The following NIPAL3 variants were observed in gnomAD, a reference collection of about 807,000 sequenced individuals.
NIPAL3 encodes NIPA-like protein 3.
Under a neutral mutation model 47.2 loss-of-function variants are expected in NIPAL3, and 41 were observed. The ratio of observed to expected loss-of-function variants is 0.87; its 90% confidence interval spans 0.68 to 1.13. The LOEUF (loss-of-function observed/expected upper bound fraction) is 1.13, where lower values mean the gene tolerates loss of function less well. Ranked by LOEUF, NIPAL3 falls within the 50% of genes most tolerant of loss-of-function variation. The pLI is 0.00. For synonymous variants in NIPAL3, 194 were observed against 209.6 expected (o/e 0.93, Z 0.64); for missense variants, 449 against 530.1 (o/e 0.85, Z 1.50).
At position 24,415,855 on chromosome 1, in the gene NIPAL3, G is replaced by A; in HGVS notation, c.-307G>A. The A allele has an allele frequency of 1.0e-6, 1 of 985,544 alleles. No homozygotes were observed. The highest frequency in any genetic ancestry group is 1.2e-6 in the Non-Finnish European group (1 of 830,000). 61.0% of individuals were successfully genotyped at this position (985,544 alleles called of 1,614,324 possible). A position where few individuals can be genotyped will look rare whatever the true frequency, so the allele number is the denominator to read the frequency against. On this transcript the variant is annotated 5_prime_UTR_variant, in exon 1 of 12. Transcript: ENST00000374399. ...CCTCCGGGTTGCACGAAGAGTCCGA[G>A]TCATTTCTCAGAAGGTTTTGATAGG...
At chr1:24,439,655 C>T (rs897300014) in intron 2 of NIPAL3, among the ~76,000 whole-genome samples, 6 of 152,036 alleles carry the variant, frequency 3.9e-5, no homozygotes, top group African/African-American at 1.5e-4. Flanking sequence ...TTAGAAAGTA[C>T]AAAATTCCGT....
At chr1:24,452,297 C>A (rs1645974733) in intron 6 of NIPAL3, among the ~76,000 whole-genome samples, 1 of 152,148 alleles carries the variant, frequency 6.6e-6, no homozygotes, top group Admixed American at 6.5e-5. Context: ...TGATAGAGCA[C>A]CAGACAGTGT....
intron 6 of NIPAL3, among the ~76,000 whole-genome samples, chr1:24,450,262 A>G (rs971492114): frequency 5.3e-5 from 8 of 152,244 alleles, no homozygotes; most frequent in African/African-American, 1.9e-4. Flanking sequence ...GTTATGACTC[A>G]GTTCTTATTT....
intron 10 of NIPAL3, among the ~76,000 whole-genome samples, chr1:24,462,171 T>G (rs980377200): frequency 6.6e-6 from 1 of 152,058 alleles, no homozygotes; most frequent in African/African-American, 2.4e-5. Flanking sequence ...TCAGATCTCG[T>G]GAGAACTCAC....
intron 2 of NIPAL3, among the ~76,000 whole-genome samples, chr1:24,428,254 AAGAAAGAG>A (rs1644695735): frequency 1.8e-5 from 1 of 54,134 alleles, no homozygotes; most frequent in African/African-American, 5.9e-5. Flanking sequence ...CTGTCTCAAA[AAGAAAGAG>A]AGAGAGAGAG....
intron 2 of NIPAL3, among the ~76,000 whole-genome samples, chr1:24,431,954 A>T (rs192376346): frequency 6.6e-6 from 1 of 151,842 alleles, no homozygotes; most frequent in East Asian, 1.9e-4. Context: ...CCTGTCACGT[A>T]GAGTACCCTG....
At chr1:24,430,802 A>T (rs996964109) in intron 2 of NIPAL3, among the ~76,000 whole-genome samples, 4 of 152,182 alleles carry the variant, frequency 2.6e-5, no homozygotes, top group African/African-American at 9.7e-5. Flanking sequence ...AACCTGATAT[A>T]TCTAGAAAGG....
rs1312025364 is a variant in NIPAL3 at position 24,454,683 on chromosome 1, C to T, written c.637+1179C>T. 2.1e-6 allele frequency: 1 copy of T among 472,290 alleles called. No homozygotes were observed. The highest frequency in any genetic ancestry group is 2.8e-6 in the Non-Finnish European group (1 of 361,478). 29.3% of individuals were successfully genotyped at this position (472,290 alleles called of 1,614,324 possible). ...CTAATTTTAGAACATTTTGTCACCC[C>T]CAAAAGAAACCCTGTGCCCATTAGC... On this transcript the variant is annotated intron_variant, in intron 7 of 11. Transcript: ENST00000374399. This position sits in a 1 kb window ranked among gnomAD's most constrained non-coding sequence, Gnocchi z 4.1.
At chr1:24,455,812 C>T (rs1384246561) in intron 7 of NIPAL3, among the ~76,000 whole-genome samples, 4 of 152,244 alleles carry the variant, frequency 2.6e-5, no homozygotes, top group African/African-American at 9.6e-5. Context: ...CTTTTGGCCA[C>T]AGTGCTGGGC....
intron 7 of NIPAL3, among the ~76,000 whole-genome samples, chr1:24,455,793 A>C (rs1005172618): frequency 2.0e-5 from 3 of 152,144 alleles, no homozygotes; most frequent in Non-Finnish European, 4.4e-5. Flanking sequence ...TCGTTGATCC[A>C]CTCGGATCCT....
intron 3 of NIPAL3, 123 bp downstream of exon 3, chr1:24,440,363 T>A: frequency 4.7e-6 from 3 of 632,570 alleles, no homozygotes; most frequent in African/African-American, 1.9e-5. Context: ...GGGCTGCACC[T>A]GGGACAATAC....
intron 8 of NIPAL3, among the ~76,000 whole-genome samples, chr1:24,456,625 T>C (rs1557528214): frequency 6.6e-6 from 1 of 152,172 alleles, no homozygotes; most frequent in African/African-American, 2.4e-5. Flanking sequence ...TAGCTGGGCA[T>C]GGTGGCACAT....
intron 11 of NIPAL3, 67 bp from the exon 12 acceptor site, chr1:24,468,918 AG>A: frequency 2.1e-6 from 3 of 1,398,324 alleles, no homozygotes; most frequent in Admixed American, 1.7e-5. Context: ...GTGGCGGGAT[AG>A]AGGGAGATGC....
At chr1:24,424,235 C>G (rs1570188829) in intron 2 of NIPAL3, among the ~76,000 whole-genome samples, 2 of 152,260 alleles carry the variant, frequency 1.3e-5, no homozygotes, top group South Asian at 4.1e-4. Context: ...AGAAGAGGAC[C>G]TGGGTCCAAA....
At chr1:24,435,265 T>C (rs767713387) in intron 2 of NIPAL3, among the ~76,000 whole-genome samples, 3 of 152,176 alleles carry the variant, frequency 2.0e-5, no homozygotes, top group Non-Finnish European at 4.4e-5. Context: ...TAACTCAAAA[T>C]GGATCGGAGA....
rs1646844126 is a variant in NIPAL3, at chr1:24,469,816, AC to A, written c.*632del. 1 of 152,230 alleles carries A rather than the reference AC, an allele frequency of 6.6e-6. No individual in the cohort carries two copies. The highest frequency in any genetic ancestry group is 1.5e-5 in the Non-Finnish European group (1 of 68,114). The allele number at this position is 152,230 out of a possible 1,614,324, so 9.4% of individuals were successfully genotyped here. ...AAATTGGATCTACTCTGAAAACGAA[AC>A]TTGGTTTTGGTCCTGTGAGGACTAC... is the stretch of plus-strand genomic sequence containing the variant. On this transcript the variant is annotated 3_prime_UTR_variant, in exon 12 of 12. Transcript: ENST00000374399.
chr1:24,445,980 C>A (rs1310542634), intron 5 of NIPAL3, among the ~76,000 whole-genome samples: 2 of 151,958 alleles, frequency 1.3e-5, no homozygotes, highest in African/African-American at 4.8e-5. Context: ...GCGTTTCCCA[C>A]AAAACACCTA....
chr1:24,467,485 T>A (rs1010858671), intron 11 of NIPAL3, among the ~76,000 whole-genome samples: 3 of 151,308 alleles, frequency 2.0e-5, no homozygotes, highest in South Asian at 2.1e-4. Flanking sequence ...TCAAAAAAAA[T>A]AAATAAATAA....
At chr1:24,422,510 C>G (rs1570178197) in intron 2 of NIPAL3, among the ~76,000 whole-genome samples, 1 of 152,174 alleles carries the variant, frequency 6.6e-6, no homozygotes, top group East Asian at 1.9e-4. Flanking sequence ...CTCATCTCTC[C>G]CTGCCTTCAC....
Sources: allele counts gnomAD v4.1 joint callset (sites outside exome capture counted in the v4.1 genomes callset), GRCh38; gene constraint gnomAD v4.1.1; non-coding constraint Gnocchi (gnomAD v3.1); transcripts MANE v1.5; gene names NCBI Gene and HGNC (gene_info 2026-07-23, HGNC 2026-07-21).